Variants in SCRN3 observed in about 807,000 individuals in gnomAD.
The protein encoded by SCRN3 is secernin-3.
In SCRN3, 39 loss-of-function variants were observed where a neutral mutation model predicts 43.1. The ratio of observed to expected loss-of-function variants is 0.91; its 90% CI spans 0.70 to 1.18. The LOEUF (loss-of-function observed/expected upper bound fraction) is 1.18. SCRN3 is among the 50% of genes most tolerant of loss of function. The probability of loss-of-function intolerance (pLI) is 0.00; values close to 1 mark genes in which losing one functional copy is unlikely to be tolerated. For missense variants in SCRN3, 484 were observed against 498.0 expected (o/e 0.97, Z 0.27); for synonymous variants, 147 against 163.1 (o/e 0.90, Z 0.75).
intron 6 of SCRN3, among the ~76,000 whole-genome samples, chr2:174,424,116 G>A (rs1361038109): frequency 2.0e-5 from 3 of 152,028 alleles, no homozygotes; most frequent in African/African-American, 7.2e-5. Flanking sequence ...TGACACTGGC[G>A]CTGATGTTCA....
chr2:174,402,441 A>T (rs1210196061), intron 4 of SCRN3, among the ~76,000 whole-genome samples: 1 of 152,244 alleles, frequency 6.6e-6, no homozygotes, highest in Non-Finnish European at 1.5e-5. Flanking sequence ...TAATCCCAGC[A>T]CTTTGAGAGG....
intron 1 of SCRN3, among the ~76,000 whole-genome samples, chr2:174,396,789 A>C (rs1685330177): frequency 6.8e-6 from 1 of 146,562 alleles, no homozygotes; most frequent in African/African-American, 2.5e-5. Context: ...CAAGAGTTAA[A>C]CTCCATCAAA....
intron 4 of SCRN3, among the ~76,000 whole-genome samples, chr2:174,402,260 T>G (rs958013786): frequency 3.9e-5 from 6 of 152,222 alleles, no homozygotes; most frequent in Admixed American, 3.9e-4. Context: ...AAGTGCCACC[T>G]GGCCATCTAA....
chr2:174,414,951 A>T (rs1029456459), intron 5 of SCRN3, among the ~76,000 whole-genome samples: 1 of 151,700 alleles, frequency 6.6e-6, no homozygotes, highest in African/African-American at 2.4e-5. Context: ...TTTTGTAGAG[A>T]TGGGTTTCAC....
intron 7 of SCRN3, 85 bp downstream of exon 7, chr2:174,424,734 C>A (rs1372025353): frequency 1.0e-6 from 1 of 998,304 alleles, no homozygotes; most frequent in African/African-American, 1.6e-5. Context: ...ATCAGCTTTC[C>A]TCCCTTCTTA....
chr2:174,424,615 A>G lies in SCRN3; in HGVS notation c.1058A>G (p.His353Arg), dbSNP rs753662290. The change falls in exon 7 of 8, where the codon CAT becomes CGT. Residue 353 changes from histidine (H) to arginine (R), a missense_variant. Coordinates refer to ENST00000272732, the MANE Select transcript of SCRN3 (RefSeq NM_024583.5). ...AGAAGACACCCACTCTACCAAAAAC[A>G]TCAACAGGCATTGGAAGTAGTAAAT... ...PDRRHPLYQK[H>R]QQALEVVNNN... 5 of 1,612,780 alleles carry G rather than the reference A, an allele frequency of 3.1e-6. No individual in the cohort carries two copies. In the East Asian group the frequency reaches 8.9e-5, roughly 29 times the overall value.
chr2:174,429,091 C>T lies in SCRN3; in HGVS notation c.*1196C>T, dbSNP rs1041559663. ...CTGCTCTTGTCTAATAGAGGGTTGACATTACAAAAGAAAAGATGTCTGACT... is the reference window on the plus strand; with the variant it reads ...CTGCTCTTGTCTAATAGAGGGTTGATATTACAAAAGAAAAGATGTCTGACT... On this transcript the variant is annotated 3_prime_UTR_variant, in exon 8 of 8. Transcript: ENST00000272732. The T allele has an allele frequency of 6.6e-6, 1 of 152,160 alleles. No individual in the cohort carries two copies. Among genetic ancestry groups the T allele is most frequent in the Non-Finnish European group, 1.5e-5 (1 of 68,040 alleles). The allele number at this position is 152,160 out of a possible 1,614,324, so 9.4% of individuals were successfully genotyped here. A position where few individuals can be genotyped will look rare whatever the true frequency, so the allele number is the denominator to read the frequency against.
Position 174,427,740 on chromosome 2 carries a change from A to C in SCRN3, c.1120A>C (p.Met374Leu). 6.2e-7 allele frequency: 1 copy of C among 1,606,108 alleles called. No individual in the cohort carries two copies. The highest frequency in any genetic ancestry group is 2.2e-5 in the East Asian group (1 of 44,658). Residue 374 changes from methionine (M) to leucine (L), a missense_variant, in exon 8 of 8, where the codon ATG (methionine) becomes CTG (leucine). Met to Leu is a conservative substitution (Grantham distance 15). Coordinates refer to ENST00000272732, the MANE Select transcript of SCRN3 (RefSeq NM_024583.5). ...AAAAGCCAAAATAATGTTGGACAAC[A>C]TGAGGAAACTGGAGAAAGAACTATT... Reference protein sequence around the residue: ...EEKAKIMLDNMRKLEKELFRE... With the variant: ...EEKAKIMLDNLRKLEKELFRE...
chr2:174,417,083 T>TATGTAGAA (rs1686137302), intron 5 of SCRN3, among the ~76,000 whole-genome samples: 1 of 152,212 alleles, frequency 6.6e-6, no homozygotes, highest in Non-Finnish European at 1.5e-5. Context: ...TGTAGATAGA[T>TATGTAGAA]ATGTAGAAAA....
chr2:174,397,044 A>T (rs923443031), intron 1 of SCRN3: 1 of 977,418 alleles, frequency 1.0e-6, no homozygotes, highest in Non-Finnish European at 1.2e-6. Flanking sequence ...AGAACTAACT[A>T]TAAAACACAA....
At chr2:174,422,074 A>C (rs1686311630) in intron 5 of SCRN3, among the ~76,000 whole-genome samples, 1 of 152,172 alleles carries the variant, frequency 6.6e-6, no homozygotes, top group African/African-American at 2.4e-5. Context: ...TAATAATAAA[A>C]TGGTCTACTT....
intron 5 of SCRN3, among the ~76,000 whole-genome samples, chr2:174,418,391 A>G (rs1446153474): frequency 2.0e-5 from 3 of 152,202 alleles, no homozygotes; most frequent in African/African-American, 4.8e-5. Context: ...AACTATCCCT[A>G]CCTGATAGCT....
intron 5 of SCRN3, 121 bp from the exon 6 acceptor site, chr2:174,422,764 C>T: frequency 3.6e-6 from 2 of 558,206 alleles, no homozygotes; most frequent in South Asian, 6.6e-5. Flanking sequence ...TGTTTATAGT[C>T]AGTCTCTTAA....
chr2:174,419,547 AT>A (rs906988187), intron 5 of SCRN3, among the ~76,000 whole-genome samples: 27 of 147,706 alleles, frequency 1.8e-4, no homozygotes, highest in Middle Eastern at 3.5e-3. Context: ...ACCTGGCTAA[AT>A]TTTTTTTTTT....
At chr2:174,406,817 T>A (rs997602383) in intron 5 of SCRN3, among the ~76,000 whole-genome samples, 20 of 132,560 alleles carry the variant, frequency 1.5e-4, no homozygotes, top group African/African-American at 5.0e-4. Context: ...GCCCACTTGA[T>A]CATGGTGGAT....
chr2:174,428,016 A>C lies in SCRN3; in HGVS notation c.*121A>C. ...CTTGAGCAGATCTGATTATTCTTGG[A>C]TAGTATTCAAGTGGTATCTTGACTA... On this transcript the variant is annotated 3_prime_UTR_variant, in exon 8 of 8. Transcript: ENST00000272732. The C allele has an allele frequency of 1.6e-6, 1 of 622,804 alleles. No homozygotes were observed. The highest frequency in any genetic ancestry group is 2.7e-6 in the Non-Finnish European group (1 of 367,540). The allele number at this position is 622,804 out of a possible 1,614,324, so 38.6% of individuals were successfully genotyped here.
intron 5 of SCRN3, among the ~76,000 whole-genome samples, chr2:174,409,732 T>C (rs923521583): frequency 2.1e-5 from 3 of 143,848 alleles, no homozygotes; most frequent in African/African-American, 7.5e-5. Context: ...GAGGTGTCAG[T>C]GTGCCCCTGC....
At chr2:174,409,833 C>A (rs1383984080) in intron 5 of SCRN3, among the ~76,000 whole-genome samples, 1 of 142,204 alleles carries the variant, frequency 7.0e-6, no homozygotes, top group African/African-American at 2.5e-5. Flanking sequence ...TCTCCAGCTG[C>A]GTGCTGGGAG....
At chr2:174,419,586 G>T (rs536754254) in intron 5 of SCRN3, among the ~76,000 whole-genome samples, 1 of 149,922 alleles carries the variant, frequency 6.7e-6, no homozygotes, top group Admixed American at 6.7e-5. Flanking sequence ...TTGCCATGTT[G>T]CCCAGGCTGG....
Sources: gnomAD v4.1 joint callset for allele counts (sites outside exome capture counted in the v4.1 genomes callset) on GRCh38, gnomAD v4.1.1 for gene constraint, MANE v1.5 for transcripts, NCBI Gene and HGNC (gene_info 2026-07-23, HGNC 2026-07-21) for gene names.